The following ICA1 variants were observed in gnomAD, a reference collection of about 807,000 sequenced individuals.
ICA1 encodes the protein islet cell autoantigen 1, also known as 69 kDa islet cell autoantigen.
A neutral mutation model predicts 71.0 loss-of-function variants in ICA1; 40 were observed. The ratio of observed to expected loss-of-function variants is 0.56; its 90% CI spans 0.44 to 0.73. The LOEUF (loss-of-function observed/expected upper bound fraction) is 0.73. ICA1 is among the 30% of genes least tolerant of loss of function. The pLI, the probability that ICA1 is intolerant of heterozygous loss-of-function variation, is 0.00. For missense variants in ICA1, 578 were observed against 576.5 expected (o/e 1.00, Z -0.03); for synonymous variants, 207 against 209.5 (o/e 0.99, Z 0.10).
At chr7:8,197,527 T>C (rs546187706) in intron 6 of ICA1, among the ~76,000 whole-genome samples, 5 of 122,616 alleles carry the variant, frequency 4.1e-5, no homozygotes, top group South Asian at 2.5e-4. Context: ...GCTTAGGCAA[T>C]AGAGTGGGAC....
intron 6 of ICA1, among the ~76,000 whole-genome samples, chr7:8,176,211 T>C (rs989327177): frequency 2.0e-5 from 3 of 152,228 alleles, no homozygotes; most frequent in Non-Finnish European, 4.4e-5. Flanking sequence ...CCATGTTACC[T>C]TCCAGGCACC....
At chr7:8,183,609 A>G (rs1382501181) in intron 6 of ICA1, among the ~76,000 whole-genome samples, 1 of 152,212 alleles carries the variant, frequency 6.6e-6, no homozygotes, top group Non-Finnish European at 1.5e-5. Context: ...TGCCTTTGTA[A>G]CCCTGAGCAA....
chr7:8,203,696 C>G (rs1354951065), intron 6 of ICA1, among the ~76,000 whole-genome samples: 1 of 152,242 alleles, frequency 6.6e-6, no homozygotes, highest in Non-Finnish European at 1.5e-5. Context: ...ATGTTCTTCA[C>G]TGGAAATGTC....
At chr7:8,182,935 G>A (rs547898002) in intron 6 of ICA1, among the ~76,000 whole-genome samples, 2 of 152,312 alleles carry the variant, frequency 1.3e-5, no homozygotes, top group East Asian at 3.9e-4. Context: ...ACTAGTGTCT[G>A]CAGGGCACAG....
chr7:8,182,739 T>C (rs1472455016), intron 6 of ICA1, among the ~76,000 whole-genome samples: 2 of 152,244 alleles, frequency 1.3e-5, no homozygotes, highest in African/African-American at 4.8e-5. Flanking sequence ...ATTTTGTCTT[T>C]TAAAAACTTT....
intron 10 of ICA1, among the ~76,000 whole-genome samples, chr7:8,141,170 C>T (rs1235961308): frequency 6.6e-6 from 1 of 152,212 alleles, no homozygotes; most frequent in African/African-American, 2.4e-5. Context: ...CTGGCAGTAA[C>T]AGCAGGAGAC....
intron 6 of ICA1, among the ~76,000 whole-genome samples, chr7:8,215,003 T>C (rs981479834): frequency 2.0e-5 from 3 of 152,104 alleles, no homozygotes; most frequent in Non-Finnish European, 4.4e-5. Context: ...CCCCCTTCAT[T>C]TCATGGTTAC....
Position 8,241,041 on chromosome 7 carries a change from T to C in ICA1, c.-79-5036A>G, listed in dbSNP as rs148277851. Among the ~76,000 whole-genome samples, 447 of 152,260 alleles carry C rather than the reference T, an allele frequency of 2.9e-3. 2 individuals are homozygous for C. Among genetic ancestry groups the C allele is most frequent in the African/African-American group, 0.01 (433 of 41,534 alleles). ...CCCAACCTAGCAAGGCAGGCCAATA[T>C]TCAAATTCAGGAATTACAGAGAACA... On this transcript the variant is annotated intron_variant, in intron 1 of 13. Transcript: ENST00000402384.
intron 6 of ICA1, among the ~76,000 whole-genome samples, chr7:8,212,468 G>A (rs1202608691): frequency 2.1e-5 from 3 of 140,254 alleles, no homozygotes; most frequent in East Asian, 4.2e-4. Flanking sequence ...AGGAAGCTGG[G>A]GCACAAGAAA....
At chr7:8,127,002 T>A (rs904106690) in intron 13 of ICA1, among the ~76,000 whole-genome samples, 14 of 150,178 alleles carry the variant, frequency 9.3e-5, no homozygotes, top group Admixed American at 2.7e-4. Flanking sequence ...TCAGACAGAG[T>A]CTCACTCTGT....
intron 13 of ICA1, among the ~76,000 whole-genome samples, chr7:8,127,026 G>C (rs966637278): frequency 1.3e-5 from 2 of 151,344 alleles, no homozygotes; most frequent in Non-Finnish European, 1.5e-5. Flanking sequence ...CCAGGCTAGA[G>C]TGCAGTGGCA....
At chr7:8,179,598 T>G (rs1048928999) in intron 6 of ICA1, among the ~76,000 whole-genome samples, 8 of 152,344 alleles carry the variant, frequency 5.3e-5, no homozygotes, top group African/African-American at 1.9e-4. Context: ...ATCTGAAAAC[T>G]GCTAGAAAAT....
At chr7:8,166,166 T>A (rs1318506282) in intron 6 of ICA1, among the ~76,000 whole-genome samples, 1 of 152,130 alleles carries the variant, frequency 6.6e-6, no homozygotes, top group South Asian at 2.1e-4. Flanking sequence ...TGTTATTAAT[T>A]ACCAGTAAAA....
rs1166062435 is a variant in ICA1, at chr7:8,158,102, CA to C, written c.705+424del. ...TATCCGGAAGGAACTCAGAGGCTAT[CA>C]GGGGAAACAAAAACAATGCATTGAA... On this transcript the variant is annotated intron_variant, in intron 7 of 13. Transcript: ENST00000402384. 5.3e-5 allele frequency among the ~76,000 whole-genome samples: 8 copies of C among 152,224 alleles called. No individual in the cohort carries two copies. The East Asian group carries it at 1.5e-3, about 29-fold the overall frequency.
intron 5 of ICA1, among the ~76,000 whole-genome samples, chr7:8,219,858 C>G (rs1200310087): frequency 6.6e-6 from 1 of 152,218 alleles, no homozygotes; most frequent in African/African-American, 2.4e-5. Flanking sequence ...CTTTGTTTCT[C>G]TTCCTTTGCC....
At chr7:8,259,720 A>G (rs1811562491) in intron 1 of ICA1, among the ~76,000 whole-genome samples, 1 of 152,182 alleles carries the variant, frequency 6.6e-6, no homozygotes, top group South Asian at 2.1e-4. Context: ...GTGTTACCGC[A>G]GGGATTCTGA....
chr7:8,182,270 C>G (rs745505194), intron 6 of ICA1, among the ~76,000 whole-genome samples: 1 of 152,180 alleles, frequency 6.6e-6, no homozygotes, highest in Non-Finnish European at 1.5e-5. Context: ...TTTATGTTCT[C>G]TTTTCTAGAA....
intron 6 of ICA1, among the ~76,000 whole-genome samples, chr7:8,217,246 T>C (rs1456449070): frequency 6.6e-6 from 1 of 152,226 alleles, no homozygotes; most frequent in Non-Finnish European, 1.5e-5. Context: ...AAATGGACCC[T>C]GCTTTCTCTT....
Position 8,204,344 on chromosome 7 carries a change from T to C in ICA1, c.579+13961A>G, listed in dbSNP as rs115792710. Among the ~76,000 whole-genome samples the C allele has an allele frequency of 6.2e-3, 951 of 152,350 alleles. 10 individuals are homozygous for C. The highest frequency in any genetic ancestry group is 0.019 in the African/African-American group (783 of 41,578). On this transcript the variant is annotated intron_variant, in intron 6 of 13. Coordinates refer to ENST00000402384, the MANE Select transcript of ICA1 (RefSeq NM_001136020.3). ...GGGTTCAAATTCTAGTTCACACGTA[T>C]GGCTATGGGCAAGTCAGTCATGGCT...
Sources: allele counts gnomAD v4.1 joint callset (sites outside exome capture counted in the v4.1 genomes callset), GRCh38; gene constraint gnomAD v4.1.1; transcripts MANE v1.5; gene names NCBI Gene and HGNC (gene_info 2026-07-23, HGNC 2026-07-21).